Variants in BSPRY observed in about 807,000 individuals in gnomAD.
BSPRY encodes the protein B-box and SPRY domain containing.
A neutral mutation model predicts 38.0 loss-of-function variants in BSPRY; 33 were observed. The ratio of observed to expected loss-of-function variants is 0.87; its 90% CI spans 0.66 to 1.16. BSPRY has a LOEUF of 1.16. BSPRY is among the 50% of genes most tolerant of loss of function. The probability of loss-of-function intolerance (pLI) is 0.00; values close to 1 mark genes in which losing one functional copy is unlikely to be tolerated. For synonymous variants in BSPRY, 224 were observed against 228.5 expected, an observed-to-expected ratio of 0.98 and a Z score of 0.18; for missense variants, 523 against 533.2, an observed-to-expected ratio of 0.98 and a Z score of 0.19.
At chr9:113,366,807 T>C (rs1267866666) in intron 4 of BSPRY, among the ~76,000 whole-genome samples, 1 of 152,244 alleles carries the variant, frequency 6.6e-6, no homozygotes, top group Non-Finnish European at 1.5e-5. Flanking sequence ...TCTAAGGTTC[T>C]GTTCACCTTA....
chr9:113,360,434 G>A lies in BSPRY; in HGVS notation c.301-73G>A, dbSNP rs1033412039. ...ATCAATCTCAACACTCCTTTCCACTGAGCCTAAACCCTCTTAAATCCTGAC... is the reference window on the plus strand; with the variant it reads ...ATCAATCTCAACACTCCTTTCCACTAAGCCTAAACCCTCTTAAATCCTGAC... On this transcript the variant is annotated intron_variant, in intron 2 of 5. Transcript: ENST00000374183. 188 of 1,408,932 alleles carry A rather than the reference G, an allele frequency of 1.3e-4. 1 individual carries two copies. Among genetic ancestry groups the A allele is most frequent in the Non-Finnish European group, 2.6e-5 (27 of 1,022,694 alleles). The allele number at this position is 1,408,932 out of a possible 1,614,324, so 87.3% of individuals were successfully genotyped here. A position where few individuals can be genotyped will look rare whatever the true frequency, so the allele number is the denominator to read the frequency against.
chr9:113,369,642 A>G lies in BSPRY; in HGVS notation c.709A>G (p.Arg237Gly). ...SGTEDIRIDE[R>G]TVSPFLQLSD... The stretch of plus-strand genomic sequence containing the variant: ...CACAGAGGACATACGGATCGATGAG[A>G]GGACAGTCAGCCCCTTCCTGCAATT... Residue 237 changes from arginine (R) to glycine (G), a missense_variant, in exon 6 of 6, where the codon AGG (arginine) becomes GGG (glycine). By Grantham distance (125) the Arg-to-Gly change is moderately radical. Coordinates refer to ENST00000374183, the MANE Select transcript of BSPRY (RefSeq NM_017688.3). 1 of 1,613,716 alleles carries G rather than the reference A, an allele frequency of 6.2e-7. No individual in the cohort carries two copies. The highest frequency in any genetic ancestry group is 8.5e-7 in the Non-Finnish European group (1 of 1,179,770).
At position 113,350,392 on chromosome 9, in the gene BSPRY, G is replaced by A. The variant is rs532141435; in HGVS notation, c.201+612G>A. ...AGGATTGGCCTTGACTGTACTTCAGGCTGGTTTAAGGGCTTCAGCTGGATA... is the reference window on the plus strand; with the variant it reads ...AGGATTGGCCTTGACTGTACTTCAGACTGGTTTAAGGGCTTCAGCTGGATA... On this transcript the variant is annotated intron_variant, in intron 1 of 5. Coordinates refer to ENST00000374183, the MANE Select transcript of BSPRY (RefSeq NM_017688.3). Among the ~76,000 whole-genome samples the A allele has an allele frequency of 2.0e-5, 3 of 152,188 alleles. No homozygotes were observed. In the South Asian group the frequency reaches 6.2e-4, roughly 32 times the overall value.
In BSPRY at chr9:113,370,113, G is replaced by A; in HGVS notation, c.1180G>A (p.Ala394Thr). 1 of 1,594,032 alleles carries A rather than the reference G, an allele frequency of 6.3e-7. No homozygotes were observed. The highest frequency in any genetic ancestry group is 1.7e-5 in the Admixed American group (1 of 57,284). ...GCCCCTCTTCCCAGTCTTTGCTGTG[G>A]CCGATCAGACCATTTCTATCGTCCG... The part of the protein sequence containing the change: ...PGPLFPVFAV[A>T]DQTISIVR Residue 394 changes from alanine (A) to threonine (T), a missense_variant, in exon 6 of 6, where the codon GCC becomes ACC. Ala to Thr is a moderately conservative substitution (Grantham distance 58). Transcript: ENST00000374183. This position sits in a 1 kb window ranked among gnomAD's most constrained non-coding sequence, Gnocchi z 4.8.
chr9:113,362,056 A>G (rs7037702), intron 3 of BSPRY, among the ~76,000 whole-genome samples: 59,003 of 151,812 alleles, frequency 0.39, 13,224 homozygotes, highest in African/African-American at 0.62. Flanking sequence ...TCCAGGAGCT[A>G]ACAGTCTTCA....
intron 2 of BSPRY, among the ~76,000 whole-genome samples, chr9:113,355,607 C>CA (rs1462967587): frequency 1.4e-5 from 2 of 143,982 alleles, no homozygotes; most frequent in East Asian, 4.1e-4. Flanking sequence ...GCTAGTGTGG[C>CA]AAATCCTGGC....
At chr9:113,364,415 T>C (rs1834210890) in intron 4 of BSPRY, among the ~76,000 whole-genome samples, 1 of 152,236 alleles carries the variant, frequency 6.6e-6, no homozygotes, top group African/African-American at 2.4e-5. Flanking sequence ...TTCACACTTC[T>C]GCCCATCTTC....
At chr9:113,361,652 A>G (rs1306732820) in intron 3 of BSPRY, among the ~76,000 whole-genome samples, 1 of 152,190 alleles carries the variant, frequency 6.6e-6, no homozygotes, top group Non-Finnish European at 1.5e-5. Flanking sequence ...GCTGTGTCAA[A>G]GGAAGTGAGG....
rs112692487 is a variant in BSPRY, at chr9:113,362,336, T to C, written c.532-33T>C. ...CATTGACTCCCTGCTGGGTATCTGG[T>C]GCCAAGCTTGACTTTGTTTTCTTTT... On this transcript the variant is annotated intron_variant, in intron 3 of 5. Transcript: ENST00000374183. 1,317 of 1,613,980 alleles carry C rather than the reference T, an allele frequency of 8.2e-4. 7 individuals carry two copies. The African/African-American group carries it at 0.015, about 18-fold the overall frequency.
chr9:113,350,691 A>T (rs1425048112), intron 1 of BSPRY, among the ~76,000 whole-genome samples: 1 of 152,110 alleles, frequency 6.6e-6, no homozygotes, highest in Non-Finnish European at 1.5e-5. Flanking sequence ...TCGCCTACCC[A>T]GAGTGACCTG....
chr9:113,359,003 G>C (rs1249262856), intron 2 of BSPRY, among the ~76,000 whole-genome samples: 1 of 151,726 alleles, frequency 6.6e-6, no homozygotes, highest in Non-Finnish European at 1.5e-5. Flanking sequence ...ATTTCAGCCT[G>C]GGCATCAGAG....
At chr9:113,367,861 C>T (rs1205233791) in intron 4 of BSPRY, among the ~76,000 whole-genome samples, 2 of 149,644 alleles carry the variant, frequency 1.3e-5, no homozygotes, top group South Asian at 4.2e-4. Flanking sequence ...GACAGGGTCT[C>T]ACTCTGTCAC....
At chr9:113,363,476 G>A (rs1834187839) in intron 4 of BSPRY, among the ~76,000 whole-genome samples, 1 of 152,026 alleles carries the variant, frequency 6.6e-6, no homozygotes, top group Non-Finnish European at 1.5e-5. Context: ...AAATGAGTCT[G>A]CATTACCCTT....
chr9:113,356,445 C>T (rs1371647940), intron 2 of BSPRY, among the ~76,000 whole-genome samples: 1 of 151,790 alleles, frequency 6.6e-6, no homozygotes, highest in African/African-American at 2.4e-5. Context: ...GCGGAGGTTG[C>T]AGTGAGCTGA....
At chr9:113,354,366 AG>A in intron 2 of BSPRY, 28 bp downstream of exon 2, 1 of 1,589,634 alleles carries the variant, frequency 6.3e-7, no homozygotes, top group African/African-American at 1.3e-5. Flanking sequence ...CTCTCTACTC[AG>A]CCCCCTCCCA....
chr9:113,370,404 A>T lies in BSPRY; in HGVS notation c.*262A>T. The T allele has an allele frequency of 3.3e-6, 1 of 305,664 alleles. No individual in the cohort carries two copies. The allele number at this position is 305,664 out of a possible 1,614,324, so 18.9% of individuals were successfully genotyped here. A position where few individuals can be genotyped will look rare whatever the true frequency, so the allele number is the denominator to read the frequency against. On this transcript the variant is annotated 3_prime_UTR_variant, in exon 6 of 6. Transcript: ENST00000374183. The surrounding 1 kb of genome is among the most constrained non-coding windows in gnomAD (Gnocchi z 4.8). ...ACATAAAATACACTAACGATAGCTGATGAGCTAAAAAAAAAAAAAAAGTCT... is the reference window on the plus strand; with the variant it reads ...ACATAAAATACACTAACGATAGCTGTTGAGCTAAAAAAAAAAAAAAAGTCT...
At chr9:113,350,314 C>A (rs1234889061) in intron 1 of BSPRY, among the ~76,000 whole-genome samples, 1 of 152,132 alleles carries the variant, frequency 6.6e-6, no homozygotes, top group East Asian at 1.9e-4. Context: ...CGCCTCTTCC[C>A]CCTGCTCCTA....
At position 113,368,288 on chromosome 9, in the gene BSPRY, C is replaced by T. The variant is rs374271557; in HGVS notation, c.587C>T (p.Pro196Leu). The change falls in exon 5 of 6, where the codon CCC (proline) becomes CTC (leucine). Residue 196 changes from proline to leucine, a missense_variant. By Grantham distance (98) the Pro-to-Leu change is moderately conservative. Transcript: ENST00000374183. ...GAAGAAGCAGAGGGCATTTTGGATC[C>T]CCAGGAGTCGGAAATGTTAAACTTT... is the stretch of plus-strand genomic sequence containing the variant. Reference protein sequence around the residue: ...RTEEAEGILDPQESEMLNFNE... With the variant: ...RTEEAEGILDLQESEMLNFNE... 44 of 1,613,976 alleles carry T rather than the reference C, an allele frequency of 2.7e-5. No homozygotes were observed. Among genetic ancestry groups the T allele is most frequent in the Non-Finnish European group, 3.6e-5 (43 of 1,180,018 alleles).
intron 1 of BSPRY, among the ~76,000 whole-genome samples, chr9:113,351,359 T>C (rs1356208324): frequency 6.6e-6 from 1 of 152,120 alleles, no homozygotes; most frequent in Non-Finnish European, 1.5e-5. Flanking sequence ...AGCAAATAAA[T>C]CTCACCCTAG....
Sources: gnomAD v4.1 joint callset for allele counts (sites outside exome capture counted in the v4.1 genomes callset) on GRCh38, gnomAD v4.1.1 for gene constraint, Gnocchi (gnomAD v3.1) non-coding constraint, MANE v1.5 for transcripts, NCBI Gene and HGNC (gene_info 2026-07-23, HGNC 2026-07-21) for gene names.